CACNA2D3: variants seen among roughly 807,000 people sequenced by gnomAD.
CACNA2D3 encodes the protein voltage-dependent calcium channel subunit alpha-2/delta-3.
Under a neutral mutation model 160.6 loss-of-function variants are expected in CACNA2D3, and 60 were observed. That is an observed-to-expected ratio of 0.37 (90% CI 0.30 to 0.46). The LOEUF (loss-of-function observed/expected upper bound fraction) is 0.46, where lower values mean the gene tolerates loss of function less well. Among genes scored for constraint, CACNA2D3 ranks in the 20% least tolerant of loss-of-function variants. The pLI is 1.00. For missense variants in CACNA2D3, 1,205 were observed against 1,365.0 expected, an observed-to-expected ratio of 0.88 and a Z score of 1.85; for synonymous variants, 558 against 492.9, an observed-to-expected ratio of 1.13 and a Z score of -1.75.
intron 9 of CACNA2D3, among the ~76,000 whole-genome samples, chr3:54,624,837 G>A (rs1699061368): frequency 6.6e-6 from 1 of 152,174 alleles, no homozygotes; most frequent in Non-Finnish European, 1.5e-5. Flanking sequence ...GGTGCAGGAG[G>A]GTGTGGGGAC....
intron 2 of CACNA2D3, among the ~76,000 whole-genome samples, chr3:54,212,499 T>A (rs561801875): frequency 1.3e-5 from 2 of 152,208 alleles, no homozygotes; most frequent in Non-Finnish European, 2.9e-5. Context: ...AGTTTTACCA[T>A]GTAGATGAAG....
intron 11 of CACNA2D3, among the ~76,000 whole-genome samples, chr3:54,743,090 C>A (rs1289173394): frequency 6.6e-6 from 1 of 152,172 alleles, no homozygotes; most frequent in Non-Finnish European, 1.5e-5. Context: ...ATGTCCCATG[C>A]TGACTTCCCT....
intron 3 of CACNA2D3, among the ~76,000 whole-genome samples, chr3:54,364,555 T>C (rs1000752302): frequency 1.1e-4 from 16 of 152,192 alleles, no homozygotes; most frequent in Non-Finnish European, 2.1e-4. Context: ...TCTTAACACA[T>C]GTAGGTCAAG....
At chr3:54,940,724 C>G (rs1015960492) in intron 27 of CACNA2D3, among the ~76,000 whole-genome samples, 3 of 152,124 alleles carry the variant, frequency 2.0e-5, no homozygotes. Context: ...TCTGGACGTT[C>G]CTTTTGCATT....
intron 4 of CACNA2D3, among the ~76,000 whole-genome samples, chr3:54,439,141 T>C (rs1413546803): frequency 6.6e-6 from 1 of 152,198 alleles, no homozygotes; most frequent in African/African-American, 2.4e-5. Context: ...ATTGATCCTA[T>C]GGCAGTTGGG....
At chr3:54,256,078 G>A (rs77781516) in intron 2 of CACNA2D3, among the ~76,000 whole-genome samples, 1,779 of 152,176 alleles carry the variant, frequency 0.012, 32 homozygotes, top group African/African-American at 0.039. Context: ...TGAACCACTG[G>A]GCTATAGCCT....
chr3:54,448,463 C>G (rs1041175971), intron 4 of CACNA2D3, among the ~76,000 whole-genome samples: 4 of 152,326 alleles, frequency 2.6e-5, no homozygotes, highest in African/African-American at 4.8e-5. Context: ...TCTTCCTCCC[C>G]TGGGTTATAT....
At chr3:54,765,269 C>T (rs1250494423) in intron 13 of CACNA2D3, among the ~76,000 whole-genome samples, 1 of 152,096 alleles carries the variant, frequency 6.6e-6, no homozygotes, top group African/African-American at 2.4e-5. Flanking sequence ...CAGGGGACAC[C>T]ATGACACAGG....
chr3:54,817,287 A>T (rs1703478446), intron 14 of CACNA2D3, among the ~76,000 whole-genome samples: 1 of 152,182 alleles, frequency 6.6e-6, no homozygotes, highest in South Asian at 2.1e-4. Context: ...AAATCGCTGA[A>T]AACTTATTGG....
At chr3:54,136,994 A>G (rs1318186264) in intron 2 of CACNA2D3, among the ~76,000 whole-genome samples, 1 of 152,156 alleles carries the variant, frequency 6.6e-6, no homozygotes, top group South Asian at 2.1e-4. Flanking sequence ...ATTCTGGCCT[A>G]TGCACATCTT....
At chr3:54,641,721 G>T (rs193270216) in intron 10 of CACNA2D3, among the ~76,000 whole-genome samples, 27 of 152,302 alleles carry the variant, frequency 1.8e-4, no homozygotes, top group Admixed American at 3.3e-4. Flanking sequence ...TTGCTACAAA[G>T]AGTCTGTTTT....
intron 9 of CACNA2D3, among the ~76,000 whole-genome samples, chr3:54,598,531 T>A (rs1703003881): frequency 6.6e-6 from 1 of 152,024 alleles, no homozygotes. Context: ...CCCAGATGGT[T>A]CGAATACAGA....
chr3:54,826,620 A>G (rs921664058), intron 14 of CACNA2D3, among the ~76,000 whole-genome samples: 6 of 152,132 alleles, frequency 3.9e-5, no homozygotes, highest in African/African-American at 1.4e-4. Flanking sequence ...CAGGCTGGGT[A>G]CTTCTGAAGC....
At chr3:54,139,965 C>G (rs899153710) in intron 2 of CACNA2D3, among the ~76,000 whole-genome samples, 1 of 152,158 alleles carries the variant, frequency 6.6e-6, no homozygotes, top group Non-Finnish European at 1.5e-5. Context: ...GGAAGCTGGC[C>G]GTGGGTTCGA....
At chr3:54,164,924 C>T (rs948014369) in intron 2 of CACNA2D3, among the ~76,000 whole-genome samples, 6 of 152,134 alleles carry the variant, frequency 3.9e-5, no homozygotes, top group African/African-American at 7.2e-5. Context: ...AGAAAGTCTG[C>T]GAAGCTCTTA....
At chr3:54,286,620 A>G (rs1703034794) in intron 2 of CACNA2D3, among the ~76,000 whole-genome samples, 1 of 152,194 alleles carries the variant, frequency 6.6e-6, no homozygotes, top group African/African-American at 2.4e-5. Context: ...TCCAAGACAC[A>G]TAATTGTCAG....
chr3:55,032,771 G>A (rs188694404), intron 35 of CACNA2D3, among the ~76,000 whole-genome samples: 1 of 152,238 alleles, frequency 6.6e-6, no homozygotes, highest in East Asian at 1.9e-4. Context: ...TTTAGTTGGT[G>A]CTCAATAGCT....
chr3:54,654,050 G>A (rs1699828527), intron 11 of CACNA2D3, among the ~76,000 whole-genome samples: 1 of 152,120 alleles, frequency 6.6e-6, no homozygotes, highest in South Asian at 2.1e-4. Context: ...AGGTGAGAGA[G>A]CTCAGAGGAT....
intron 27 of CACNA2D3, among the ~76,000 whole-genome samples, chr3:54,907,986 T>C (rs116605063): frequency 0.013 from 1,959 of 152,312 alleles, 50 homozygotes; most frequent in African/African-American, 0.044. Context: ...GATGGATGCT[T>C]TTTTAGCTGT....
Sources: allele counts gnomAD v4.1 joint callset (sites outside exome capture counted in the v4.1 genomes callset), GRCh38; gene constraint gnomAD v4.1.1; transcripts MANE v1.5; gene names NCBI Gene and HGNC (gene_info 2026-07-23, HGNC 2026-07-21).